Variants in CENPK observed in about 807,000 individuals in gnomAD.
CENPK encodes SoxLZ/Sox6-binding protein Solt.
CENPK carries 46 observed loss-of-function variants against 40.9 expected under a neutral mutation model. The ratio of observed to expected loss-of-function variants is 1.13; its 90% confidence interval spans 0.89 to 1.44. The LOEUF (loss-of-function observed/expected upper bound fraction) is 1.44. CENPK is among the 40% of genes most tolerant of loss of function. The pLI is 0.00. For missense variants in CENPK, 288 were observed against 303.5 expected, an observed-to-expected ratio of 0.95 and a Z score of 0.38; for synonymous variants, 107 against 104.4, an observed-to-expected ratio of 1.02 and a Z score of -0.15.
intron 2 of CENPK, among the ~76,000 whole-genome samples, chr5:65,559,943 C>T (rs934770711): frequency 2.0e-5 from 3 of 151,514 alleles, no homozygotes; most frequent in Non-Finnish European, 2.9e-5. Flanking sequence ...ATAAATCTTC[C>T]TCATTTTTTT....
intron 2 of CENPK, among the ~76,000 whole-genome samples, chr5:65,556,711 T>C (rs1352355084): frequency 1.3e-5 from 2 of 152,204 alleles, no homozygotes; most frequent in African/African-American, 4.8e-5. Flanking sequence ...TCCTAGGCCT[T>C]CATATCTTCT....
At chr5:65,529,416 G>C in intron 6 of CENPK, 1 of 419,594 alleles carries the variant, frequency 2.4e-6, no homozygotes, top group Non-Finnish European at 4.2e-6. Context: ...GTTTTGAGCA[G>C]TAAATTTTAA....
intron 5 of CENPK, among the ~76,000 whole-genome samples, chr5:65,550,135 T>C (rs1749709594): frequency 7.6e-6 from 1 of 131,430 alleles, no homozygotes; most frequent in African/African-American, 2.9e-5. Flanking sequence ...ACCACTGCAC[T>C]CCAGCCTGAG....
chr5:65,524,150 C>T (rs1744245518), intron 9 of CENPK, among the ~76,000 whole-genome samples: 1 of 151,464 alleles, frequency 6.6e-6, no homozygotes, highest in African/African-American at 2.4e-5. Flanking sequence ...CCAAGGCGGG[C>T]AGATCACCAG....
rs913482577 is a variant in CENPK at position 65,518,371 on chromosome 5, A to C, written c.*104T>G. ...TTTTGCAATAAAAGTAAGATGGCCT[A>C]TGCGCATTAATTTGCAAATAATGTT... On this transcript the variant is annotated 3_prime_UTR_variant, in exon 11 of 11. Coordinates refer to ENST00000396679, the MANE Select transcript of CENPK (RefSeq NM_022145.5). 1 of 1,105,504 alleles carries C rather than the reference A, an allele frequency of 9.0e-7. No homozygotes were observed. Among genetic ancestry groups the C allele is most frequent in the Non-Finnish European group, 1.3e-6 (1 of 759,324 alleles). 68.5% of individuals were successfully genotyped at this position (1,105,504 alleles called of 1,614,324 possible).
At position 65,518,009 on chromosome 5, in the gene CENPK, A is replaced by G. The variant is rs1743028067; in HGVS notation, c.*466T>C. ...AGTATATATGAAACAAATTTGCTAA[A>G]TATTTTTAAATTATGCCACCTCAGA... On this transcript the variant is annotated 3_prime_UTR_variant, in exon 11 of 11. Transcript: ENST00000396679. The G allele has an allele frequency of 6.6e-6, 1 of 152,266 alleles. No individual in the cohort carries two copies. The highest frequency in any genetic ancestry group is 1.5e-5 in the Non-Finnish European group (1 of 68,090). The allele number at this position is 152,266 out of a possible 1,614,324, so 9.4% of individuals were successfully genotyped here. A position where few individuals can be genotyped will look rare whatever the true frequency, so the allele number is the denominator to read the frequency against.
intron 9 of CENPK, among the ~76,000 whole-genome samples, chr5:65,522,451 C>T (rs1192203479): frequency 6.6e-6 from 1 of 151,822 alleles, no homozygotes; most frequent in Admixed American, 6.6e-5. Flanking sequence ...TTTTTGGAGA[C>T]AGGGTCTCAC....
chr5:65,526,034 A>G (rs1474086644), intron 9 of CENPK, among the ~76,000 whole-genome samples: 1 of 152,220 alleles, frequency 6.6e-6, no homozygotes, highest in Non-Finnish European at 1.5e-5. Flanking sequence ...AGAAACAGAG[A>G]GACAAGAATT....
chr5:65,528,391 A>T, intron 9 of CENPK, 61 bp downstream of exon 9: 1 of 1,496,304 alleles, frequency 6.7e-7, no homozygotes, highest in South Asian at 1.3e-5. Context: ...ATATGCTTCT[A>T]AACCCACCTA....
At chr5:65,506,907 C>T in the CENPK span, among the ~76,000 whole-genome samples, 1 of 152,172 alleles carries the variant, frequency 6.6e-6, no homozygotes, top group Non-Finnish European at 1.5e-5. Flanking sequence ...AAATGTTCCA[C>T]TTCATGATTT....
At chr5:65,501,844 G>C in the CENPK span, among the ~76,000 whole-genome samples, 1 of 152,182 alleles carries the variant, frequency 6.6e-6, no homozygotes. Flanking sequence ...CTGATTGCCA[G>C]GTGGCCTCCA....
intron 10 of CENPK, among the ~76,000 whole-genome samples, chr5:65,519,868 A>C (rs1033477443): frequency 1.3e-5 from 2 of 152,220 alleles, no homozygotes; most frequent in Non-Finnish European, 2.9e-5. Context: ...AGCTTATTTT[A>C]GTACAAATCT....
Position 65,551,567 on chromosome 5 carries a change from C to G in CENPK, c.238G>C (p.Glu80Gln). The G allele has an allele frequency of 6.6e-7, 1 of 1,508,148 alleles. No individual in the cohort carries two copies. The allele number at this position is 1,508,148 out of a possible 1,614,324, so 93.4% of individuals were successfully genotyped here. ...ELSQWQKKTPETIPLTEDVLI... is the reference protein window; with the variant it reads ...ELSQWQKKTPQTIPLTEDVLI... ...AAATTTAAAATAAGAATCTTACTTT[C>G]AGGTGTTTTTTTCTGCCATTGACTG... The change falls in exon 5 of 11, where the codon GAA (glutamate) becomes CAA (glutamine). Residue 80 changes from glutamate (E) to glutamine (Q), a missense_variant. Coordinates refer to ENST00000396679, the MANE Select transcript of CENPK (RefSeq NM_022145.5).
chr5:65,543,522 A>G (rs1329926148), intron 5 of CENPK, among the ~76,000 whole-genome samples: 1 of 152,180 alleles, frequency 6.6e-6, no homozygotes, highest in Non-Finnish European at 1.5e-5. Flanking sequence ...GGGTCATATC[A>G]CACATATTAT....
intron 3 of CENPK, among the ~76,000 whole-genome samples, chr5:65,553,449 C>CT (rs1750471673): frequency 7.1e-6 from 1 of 140,550 alleles, no homozygotes; most frequent in Non-Finnish European, 1.6e-5. Flanking sequence ...GTTGGACAAG[C>CT]TTGCCTTAAG....
At chr5:65,527,189 T>G (rs767138052) in intron 9 of CENPK, among the ~76,000 whole-genome samples, 1 of 152,000 alleles carries the variant, frequency 6.6e-6, no homozygotes, top group Non-Finnish European at 1.5e-5. Flanking sequence ...TTGAACTGTC[T>G]TAAGTAGGAA....
At chr5:65,498,183 C>G in the CENPK span, among the ~76,000 whole-genome samples, 2 of 151,896 alleles carry the variant, frequency 1.3e-5, no homozygotes, top group Non-Finnish European at 2.9e-5. Flanking sequence ...TTTAAAATAT[C>G]TTTAATAATT....
intron 6 of CENPK, among the ~76,000 whole-genome samples, chr5:65,538,519 T>A (rs1747366756): frequency 6.6e-6 from 1 of 152,164 alleles, no homozygotes; most frequent in Non-Finnish European, 1.5e-5. Context: ...TCTTCTCACT[T>A]TTACTATACA....
In CENPK at chr5:65,530,006, T is replaced by C. The variant is rs1338514381; in HGVS notation, c.289-807A>G. Reference sequence around the variant, plus strand: ...TTTTAGTAGAGACGGGGTTTCACCATATTGGCCAGGCTGGTCTAGACCTCC... The same window carrying C: ...TTTTAGTAGAGACGGGGTTTCACCACATTGGCCAGGCTGGTCTAGACCTCC... On this transcript the variant is annotated intron_variant, in intron 6 of 10. Coordinates refer to ENST00000396679, the MANE Select transcript of CENPK (RefSeq NM_022145.5). 2.0e-5 allele frequency among the ~76,000 whole-genome samples: 3 copies of C among 151,012 alleles called. No homozygotes were observed. In the South Asian group the frequency reaches 6.3e-4, roughly 32 times the overall value.
Sources: gnomAD v4.1 joint callset for allele counts (sites outside exome capture counted in the v4.1 genomes callset) on GRCh38, gnomAD v4.1.1 for gene constraint, MANE v1.5 for transcripts, NCBI Gene and HGNC (gene_info 2026-07-23, HGNC 2026-07-21) for gene names.